RP1: variants seen among roughly 807,000 people sequenced by gnomAD.
RP1 encodes oxygen-regulated protein 1.
RP1 carries 16 observed loss-of-function variants against 14.8 expected under a neutral mutation model. The observed-to-expected ratio is 1.08, with a 90% CI of 0.73 to 1.65. The LOEUF is 1.65. Ranked by LOEUF, RP1 falls within the 40% of genes most tolerant of loss-of-function variation. The pLI, the probability that RP1 is intolerant of heterozygous loss-of-function variation, is 0.00. For missense variants in RP1, 2,631 were observed against 2,535.0 expected (o/e 1.04, Z -0.81); for synonymous variants, 876 against 883.6 (o/e 0.99, Z 0.15).
chr8:54,595,298 T>C (rs1168764563), intron 1 of RP1, among the ~76,000 whole-genome samples: 1 of 151,888 alleles, frequency 6.6e-6, no homozygotes. Context: ...CCCAGATAAT[T>C]TTTTGTATTT....
At chr8:54,632,296 T>C, downstream of RP1, among the ~76,000 whole-genome samples, 1 of 152,222 alleles carries the variant, frequency 6.6e-6, no homozygotes. Context: ...TCAAGAAATA[T>C]GGCATGCAGT....
intron 24 of RP1, among the ~76,000 whole-genome samples, chr8:54,789,037 G>T (rs1052585699): frequency 3.3e-5 from 5 of 152,152 alleles, no homozygotes; most frequent in Non-Finnish European, 5.9e-5. Context: ...AAATTTTGGG[G>T]TGCTTCATGG....
chr8:54,865,242 C>A (rs1812433260), intron 27 of RP1, among the ~76,000 whole-genome samples: 2 of 151,868 alleles, frequency 1.3e-5, no homozygotes, highest in South Asian at 2.1e-4. Flanking sequence ...TCTGTGATTT[C>A]TTTGGGTTTT....
chr8:54,799,689 G>C (rs1810657039), intron 24 of RP1, among the ~76,000 whole-genome samples: 1 of 151,690 alleles, frequency 6.6e-6, no homozygotes, highest in African/African-American at 2.4e-5. Context: ...ATGGTTTAGA[G>C]TGTCTATTTT....
chr8:54,645,827 C>T (rs1330587846), intron 3 of RP1, among the ~76,000 whole-genome samples: 1 of 152,106 alleles, frequency 6.6e-6, no homozygotes, highest in East Asian at 1.9e-4. Context: ...AAAATATTTA[C>T]AGTATAAATT....
intron 23 of RP1, among the ~76,000 whole-genome samples, chr8:54,781,399 C>A (rs1400190571): frequency 1.3e-5 from 2 of 151,936 alleles, no homozygotes; most frequent in South Asian, 2.1e-4. Flanking sequence ...TAGACAGCAG[C>A]TATAAGGCAA....
intron 8 of RP1, among the ~76,000 whole-genome samples, chr8:54,675,113 T>C (rs1294481096): frequency 1.3e-5 from 2 of 152,156 alleles, no homozygotes; most frequent in African/African-American, 4.8e-5. Context: ...TCCAATTATA[T>C]GCTCTATGCA....
At chr8:54,789,728 C>T (rs1182672896) in intron 24 of RP1, among the ~76,000 whole-genome samples, 1 of 152,158 alleles carries the variant, frequency 6.6e-6, no homozygotes, top group East Asian at 1.9e-4. Context: ...GGAGTGCAGC[C>T]TATAACCCCA....
intron 1 of RP1, among the ~76,000 whole-genome samples, chr8:54,570,548 G>A (rs553326170): frequency 6.6e-6 from 1 of 151,550 alleles, no homozygotes; most frequent in East Asian, 1.9e-4. Flanking sequence ...AGGCTGTCTC[G>A]AACTCCTGAC....
rs1454376137 is a variant in RP1, at chr8:54,621,076, G to A, written c.110G>A (p.Arg37Gln). 1.9e-6 allele frequency: 3 copies of A among 1,614,176 alleles called. No individual in the cohort carries two copies. The highest frequency in any genetic ancestry group is 2.2e-5 in the South Asian group (2 of 91,080). The change falls in exon 2 of 4, where the codon CGA (arginine) becomes CAA (glutamine). Residue 37 changes from arginine to glutamine, a missense_variant. By Grantham distance (43) the Arg-to-Gln change is conservative. Coordinates refer to ENST00000220676, the MANE Select transcript of RP1 (RefSeq NM_006269.2). ...CTCACTCATCCTGTTGTGGCCAAGC[G>A]AATCAGTTTCTACAAGAGCGGAGAC... ...LSLTHPVVAK[R>Q]ISFYKSGDPQ...
chr8:54,809,041 T>C (rs1301682802), intron 24 of RP1, among the ~76,000 whole-genome samples: 1 of 152,242 alleles, frequency 6.6e-6, no homozygotes, highest in Admixed American at 6.5e-5. Flanking sequence ...ATAGTTGTAG[T>C]ATTTATGCAA....
intron 21 of RP1, among the ~76,000 whole-genome samples, chr8:54,757,800 GA>G (rs1295557053): frequency 8.5e-5 from 13 of 152,226 alleles, no homozygotes; most frequent in African/African-American, 3.1e-4. Context: ...CCTGCCTCAT[GA>G]AACGTCCCTT....
At chr8:54,623,806 T>C (rs1221534948) in intron 3 of RP1, among the ~76,000 whole-genome samples, 1 of 152,224 alleles carries the variant, frequency 6.6e-6, no homozygotes, top group East Asian at 1.9e-4. Flanking sequence ...TCTGCTTTCA[T>C]AAAGCTATGG....
At chr8:54,859,683 G>A (rs1812297839) in intron 27 of RP1, among the ~76,000 whole-genome samples, 1 of 152,020 alleles carries the variant, frequency 6.6e-6, no homozygotes, top group South Asian at 2.1e-4. Context: ...TTTAACTGTG[G>A]AGCAGTGTTA....
chr8:54,595,286 T>C (rs906295846), intron 1 of RP1, among the ~76,000 whole-genome samples: 24 of 152,056 alleles, frequency 1.6e-4, no homozygotes, highest in East Asian at 3.9e-4. Flanking sequence ...CCCGCCACCA[T>C]GCCCAGATAA....
intron 1 of RP1, among the ~76,000 whole-genome samples, chr8:54,585,504 T>C (rs1296607885): frequency 6.6e-6 from 1 of 152,196 alleles, no homozygotes; most frequent in Non-Finnish European, 1.5e-5. Context: ...AGAGTATCTT[T>C]GTGGCGTTCT....
At chr8:54,606,286 T>G (rs886946805) in intron 1 of RP1, among the ~76,000 whole-genome samples, 1 of 152,194 alleles carries the variant, frequency 6.6e-6, no homozygotes, top group Non-Finnish European at 1.5e-5. Flanking sequence ...GTATTTTATT[T>G]CTCCTTCACT....
chr8:54,578,718 T>C (rs1367564876), intron 1 of RP1, among the ~76,000 whole-genome samples: 1 of 152,244 alleles, frequency 6.6e-6, no homozygotes. Context: ...TGCTGTGTTC[T>C]TTTGTTTAGT....
intron 24 of RP1, among the ~76,000 whole-genome samples, chr8:54,818,971 G>A (rs1289610860): frequency 6.6e-6 from 1 of 152,106 alleles, no homozygotes; most frequent in Non-Finnish European, 1.5e-5. Flanking sequence ...AGAGGAGCGG[G>A]TGGGGACTGG....
Sources: allele counts gnomAD v4.1 joint callset (sites outside exome capture counted in the v4.1 genomes callset), GRCh38; gene constraint gnomAD v4.1.1; transcripts MANE v1.5; gene names NCBI Gene and HGNC (gene_info 2026-07-23, HGNC 2026-07-21).